PSMA1: variants seen among roughly 807,000 people sequenced by gnomAD.
The protein encoded by PSMA1 is proteasome 20S subunit alpha 1, also known as proteasome subunit alpha type-1.
Under a neutral mutation model 38.4 loss-of-function variants are expected in PSMA1, and 3 were observed. The observed-to-expected ratio is 0.08, with a 90% CI of 0.04 to 0.20. The LOEUF (loss-of-function observed/expected upper bound fraction) is 0.20, where lower values mean the gene tolerates loss of function less well. Ranked by LOEUF, PSMA1 falls within the 10% of genes least tolerant of loss-of-function variation. The probability of loss-of-function intolerance (pLI) is 1.00; values close to 1 mark genes in which losing one functional copy is unlikely to be tolerated. For synonymous variants in PSMA1, 101 were observed against 107.1 expected, an observed-to-expected ratio of 0.94 and a Z score of 0.35; for missense variants, 227 against 325.3, an observed-to-expected ratio of 0.70 and a Z score of 2.32.
At chr11:14,615,383 T>C (rs2134200616) in intron 1 of PSMA1, among the ~76,000 whole-genome samples, 1 of 152,362 alleles carries the variant, frequency 6.6e-6, no homozygotes, top group African/African-American at 2.4e-5. Flanking sequence ...GTCCTCTGAC[T>C]TTCTGGTAGA....
intron 8 of PSMA1, among the ~76,000 whole-genome samples, chr11:14,509,593 G>T (rs1346646556): frequency 6.6e-6 from 1 of 151,212 alleles, no homozygotes; most frequent in East Asian, 1.9e-4. Flanking sequence ...TAGAGACAGG[G>T]TTTCATCGTG....
chr11:14,546,551 C>A (rs1346982153), intron 2 of PSMA1, among the ~76,000 whole-genome samples: 1 of 152,030 alleles, frequency 6.6e-6, no homozygotes, highest in Non-Finnish European at 1.5e-5. Flanking sequence ...AATTCTCCTG[C>A]CTCAGCCTCC....
rs766852823 is a variant in PSMA1, at chr11:14,517,765, G to T, written c.151-20C>A. On this transcript the variant is annotated intron_variant, in intron 3 of 9. Transcript: ENST00000396394. The stretch of plus-strand genomic sequence containing the variant: ...CGCCCTCTAAATAGAGACATTATAA[G>T]ATGTAAAAAAAAAAAAAAAAGAGAC... 6 of 1,367,340 alleles carry T rather than the reference G, an allele frequency of 4.4e-6. No individual in the cohort carries two copies. Among genetic ancestry groups the T allele is most frequent in the Non-Finnish European group, 5.9e-6 (6 of 1,025,268 alleles). 84.7% of individuals were successfully genotyped at this position (1,367,340 alleles called of 1,614,324 possible). A position where few individuals can be genotyped will look rare whatever the true frequency, so the allele number is the denominator to read the frequency against.
At chr11:14,597,108 G>C (rs1037737648) in intron 2 of PSMA1, among the ~76,000 whole-genome samples, 2 of 152,174 alleles carry the variant, frequency 1.3e-5, no homozygotes, top group South Asian at 4.1e-4. Context: ...CTTGATCATG[G>C]TGGATAAGCC....
intron 2 of PSMA1, among the ~76,000 whole-genome samples, chr11:14,527,673 T>C (rs1441784089): frequency 1.3e-5 from 2 of 152,146 alleles, no homozygotes; most frequent in Non-Finnish European, 2.9e-5. Context: ...GCGTAGACAC[T>C]TTCACTGGCT....
At chr11:14,634,216 T>G (rs1309229145) in intron 1 of PSMA1, among the ~76,000 whole-genome samples, 1 of 152,202 alleles carries the variant, frequency 6.6e-6, no homozygotes, top group Non-Finnish European at 1.5e-5. Context: ...GAAAATTGTC[T>G]TCCACAAAAC....
At chr11:14,547,504 GA>G (rs1851838187) in intron 2 of PSMA1, among the ~76,000 whole-genome samples, 1 of 152,120 alleles carries the variant, frequency 6.6e-6, no homozygotes, top group Admixed American at 6.5e-5. Flanking sequence ...AGATTTCAGG[GA>G]AAGTATCACA....
At chr11:14,602,897 C>T (rs1852601344) in intron 2 of PSMA1, among the ~76,000 whole-genome samples, 1 of 152,128 alleles carries the variant, frequency 6.6e-6, no homozygotes. Context: ...GACCCCAATA[C>T]AGGATGGGTT....
At chr11:14,554,357 T>G (rs992955639) in intron 2 of PSMA1, among the ~76,000 whole-genome samples, 12 of 152,344 alleles carry the variant, frequency 7.9e-5, no homozygotes, top group African/African-American at 2.6e-4. Flanking sequence ...AAGGATCATT[T>G]CTGGGTATCA....
At chr11:14,573,581 C>T (rs1327409574) in intron 2 of PSMA1, among the ~76,000 whole-genome samples, 1 of 152,134 alleles carries the variant, frequency 6.6e-6, no homozygotes, top group Non-Finnish European at 1.5e-5. Flanking sequence ...AAACTGGAAG[C>T]ATTCCCTTTG....
intron 2 of PSMA1, among the ~76,000 whole-genome samples, chr11:14,573,811 A>G (rs1183647580): frequency 6.6e-6 from 1 of 152,262 alleles, no homozygotes; most frequent in Non-Finnish European, 1.5e-5. Context: ...CAACTTCAGC[A>G]AAGTCTGGAA....
chr11:14,571,219 C>G (rs558429918), intron 2 of PSMA1, among the ~76,000 whole-genome samples: 1 of 152,282 alleles, frequency 6.6e-6, no homozygotes, highest in African/African-American at 2.4e-5. Flanking sequence ...CCCACCACCA[C>G]GCCCGGCTAA....
intron 2 of PSMA1, among the ~76,000 whole-genome samples, chr11:14,537,156 A>C (rs948332341): frequency 6.6e-6 from 1 of 152,210 alleles, no homozygotes; most frequent in Non-Finnish European, 1.5e-5. Context: ...AATAAAAGTA[A>C]TATGTCCTTT....
At chr11:14,623,524 A>T (rs1193836338) in intron 1 of PSMA1, among the ~76,000 whole-genome samples, 1 of 152,226 alleles carries the variant, frequency 6.6e-6, no homozygotes, top group Non-Finnish European at 1.5e-5. Context: ...AAAGAAAATA[A>T]TTGAAAGATT....
chr11:14,580,539 T>A (rs1852271207), intron 2 of PSMA1, among the ~76,000 whole-genome samples: 1 of 152,272 alleles, frequency 6.6e-6, no homozygotes, highest in African/African-American at 2.4e-5. Context: ...CATCTTAACT[T>A]CCCCTGAGTC....
At chr11:14,588,350 C>T (rs890066234) in intron 2 of PSMA1, among the ~76,000 whole-genome samples, 1 of 152,210 alleles carries the variant, frequency 6.6e-6, no homozygotes, top group Non-Finnish European at 1.5e-5. Flanking sequence ...AATTTCAACA[C>T]CTCTAACAGG....
At chr11:14,576,756 A>C (rs1226879390) in intron 2 of PSMA1, among the ~76,000 whole-genome samples, 2 of 152,170 alleles carry the variant, frequency 1.3e-5, no homozygotes, top group Admixed American at 1.3e-4. Context: ...TTGTCTTGGC[A>C]ATGCAGGCTC....
At chr11:14,638,900 A>C (rs7101657) in intron 1 of PSMA1, among the ~76,000 whole-genome samples, 18,502 of 151,572 alleles carry the variant, frequency 0.12, 1,393 homozygotes, top group African/African-American at 0.22. Flanking sequence ...GGGAGGGAAC[A>C]AGAAAACTTG....
intron 8 of PSMA1, among the ~76,000 whole-genome samples, chr11:14,508,322 C>G (rs1408848411): frequency 6.6e-6 from 1 of 152,016 alleles, no homozygotes; most frequent in African/African-American, 2.4e-5. Context: ...TCCACTCTTT[C>G]CTGTACCTAT....
Sources: gnomAD v4.1 joint callset for allele counts (sites outside exome capture counted in the v4.1 genomes callset) on GRCh38, gnomAD v4.1.1 for gene constraint, MANE v1.5 for transcripts, NCBI Gene and HGNC (gene_info 2026-07-23, HGNC 2026-07-21) for gene names.